SEMA6D: variants seen among roughly 807,000 people sequenced by gnomAD.
SEMA6D encodes the protein semaphorin 6D.
In SEMA6D, 35 loss-of-function variants were observed where a neutral mutation model predicts 106.6. The ratio of observed to expected loss-of-function variants is 0.33; its 90% CI spans 0.25 to 0.44. The LOEUF is 0.44. Among genes scored for constraint, SEMA6D ranks in the 20% least tolerant of loss-of-function variants. The pLI, the probability that SEMA6D is intolerant of heterozygous loss-of-function variation, is 1.00. For synonymous variants in SEMA6D, 499 were observed against 487.7 expected, an observed-to-expected ratio of 1.02 and a Z score of -0.31; for missense variants, 1,185 against 1,345.9, an observed-to-expected ratio of 0.88 and a Z score of 1.87.
intron 1 of SEMA6D, among the ~76,000 whole-genome samples, chr15:47,389,985 T>C (rs1179456868): frequency 6.6e-6 from 1 of 152,226 alleles, no homozygotes; most frequent in East Asian, 1.9e-4. Flanking sequence ...AACACTTCAA[T>C]TGTTTTTTCA....
rs767285041 is a variant in SEMA6D at position 47,770,685 on chromosome 15, A to G, written c.2122A>G (p.Thr708Ala). 5.0e-6 allele frequency: 8 copies of G among 1,614,020 alleles called. No individual in the cohort carries two copies. In the South Asian group the frequency reaches 7.7e-5, roughly 16 times the overall value. Residue 708 changes from threonine to alanine, a missense_variant, in exon 19 of 19, where the codon ACA (threonine) becomes GCA (alanine). Coordinates refer to ENST00000536845, the MANE Select transcript of SEMA6D (RefSeq NM_001358351.3). ...HKDAESAQSC[T>A]DSSGSFAKLN... ...AGATGCAGAGTCCGCCCAGTCATGCACAGACTCCAGTGGAAGTTTTGCCAA... is the reference window on the plus strand; with the variant it reads ...AGATGCAGAGTCCGCCCAGTCATGCGCAGACTCCAGTGGAAGTTTTGCCAA...
chr15:47,338,098 A>G (rs1041742569), intron 1 of SEMA6D, among the ~76,000 whole-genome samples: 4 of 152,208 alleles, frequency 2.6e-5, no homozygotes, highest in African/African-American at 9.6e-5. Flanking sequence ...AGGAGAAGGC[A>G]CTTGCTAGAG....
intron 1 of SEMA6D, among the ~76,000 whole-genome samples, chr15:47,285,270 CT>C (rs900499307): frequency 2.6e-5 from 4 of 151,888 alleles, no homozygotes; most frequent in African/African-American, 7.2e-5. Context: ...CTGTCTTTCT[CT>C]TTTTTTTAAC....
intron 1 of SEMA6D, among the ~76,000 whole-genome samples, chr15:47,726,140 C>T (rs1354364894): frequency 6.6e-6 from 1 of 152,238 alleles, no homozygotes; most frequent in Non-Finnish European, 1.5e-5. Context: ...CACTTGCCTA[C>T]AGACGGGATC....
chr15:47,327,515 G>T (rs911268141), intron 1 of SEMA6D, among the ~76,000 whole-genome samples: 1 of 152,158 alleles, frequency 6.6e-6, no homozygotes, highest in African/African-American at 2.4e-5. Context: ...ATATTTTAAA[G>T]GTATGTTAGT....
intron 2 of SEMA6D, among the ~76,000 whole-genome samples, chr15:47,452,338 G>A (rs937818654): frequency 1.3e-5 from 2 of 149,936 alleles, no homozygotes; most frequent in Non-Finnish European, 3.0e-5. Flanking sequence ...AAAAAAAACT[G>A]GACTCAAAGT....
intron 3 of SEMA6D, among the ~76,000 whole-genome samples, chr15:47,540,761 A>G (rs111688524): frequency 1.3e-5 from 2 of 152,208 alleles, no homozygotes; most frequent in Non-Finnish European, 2.9e-5. Context: ...GAGCTGCCCT[A>G]GGGAAGTTGA....
At chr15:47,598,367 G>A (rs1448527285) in intron 3 of SEMA6D, among the ~76,000 whole-genome samples, 2 of 152,132 alleles carry the variant, frequency 1.3e-5, no homozygotes, top group Non-Finnish European at 2.9e-5. Context: ...AGGATGTCAT[G>A]TGTCCATTTC....
chr15:47,418,810 G>T (rs540110550), intron 2 of SEMA6D, among the ~76,000 whole-genome samples: 3 of 152,218 alleles, frequency 2.0e-5, no homozygotes, highest in African/African-American at 4.8e-5. Flanking sequence ...AGAGCACAAA[G>T]AACTTGTCTG....
At chr15:47,278,782 A>G (rs1216183720) in intron 1 of SEMA6D, among the ~76,000 whole-genome samples, 3 of 148,900 alleles carry the variant, frequency 2.0e-5, no homozygotes, top group African/African-American at 7.5e-5. Context: ...TCTTGAATTG[A>G]TTTTTGTATA....
At chr15:47,236,823 G>A (rs2032575552) in intron 1 of SEMA6D, among the ~76,000 whole-genome samples, 1 of 152,132 alleles carries the variant, frequency 6.6e-6, no homozygotes, top group African/African-American at 2.4e-5. Flanking sequence ...GAAGCAACTT[G>A]GGCAAATAGC....
At chr15:47,666,416 T>C (rs2078027638) in intron 4 of SEMA6D, among the ~76,000 whole-genome samples, 1 of 152,174 alleles carries the variant, frequency 6.6e-6, no homozygotes, top group Non-Finnish European at 1.5e-5. Flanking sequence ...ATTGTGACAT[T>C]GAAGGGATAA....
chr15:47,625,080 A>G (rs1303492698), intron 4 of SEMA6D, among the ~76,000 whole-genome samples: 7 of 143,766 alleles, frequency 4.9e-5, no homozygotes, highest in Non-Finnish European at 9.4e-5. Context: ...AGATTTTTTA[A>G]TAAGAAAGCT....
intron 3 of SEMA6D, among the ~76,000 whole-genome samples, chr15:47,562,381 G>C (rs1366285843): frequency 6.6e-6 from 1 of 152,006 alleles, no homozygotes; most frequent in African/African-American, 2.4e-5. Flanking sequence ...ATCTGCATAA[G>C]CTTGGTTAAT....
chr15:47,724,684 C>T (rs2079626864), intron 1 of SEMA6D, among the ~76,000 whole-genome samples: 1 of 152,136 alleles, frequency 6.6e-6, no homozygotes, highest in Admixed American at 6.5e-5. Flanking sequence ...CATATTTATG[C>T]CCTTACCTAC....
At chr15:47,206,013 T>C (rs1013854684) in intron 1 of SEMA6D, among the ~76,000 whole-genome samples, 3 of 152,220 alleles carry the variant, frequency 2.0e-5, no homozygotes, top group Non-Finnish European at 4.4e-5. Flanking sequence ...CTGTACCTTT[T>C]CTTCTGATAA....
At chr15:47,503,797 C>T (rs1233529398) in intron 3 of SEMA6D, among the ~76,000 whole-genome samples, 1 of 152,080 alleles carries the variant, frequency 6.6e-6, no homozygotes, top group Non-Finnish European at 1.5e-5. Flanking sequence ...CTTTTCCTTC[C>T]ATTTCTTCCC....
intron 1 of SEMA6D, among the ~76,000 whole-genome samples, chr15:47,199,485 G>T (rs1352414394): frequency 6.6e-6 from 1 of 152,036 alleles, no homozygotes; most frequent in Non-Finnish European, 1.5e-5. Flanking sequence ...AAACATTCCT[G>T]TTTTACTTGG....
chr15:47,598,451 TC>T (rs1286131286), intron 3 of SEMA6D, among the ~76,000 whole-genome samples: 3 of 152,174 alleles, frequency 2.0e-5, no homozygotes, highest in African/African-American at 7.2e-5. Flanking sequence ...TACATAGTTC[TC>T]TTTGTGGATA....
Sources: gnomAD v4.1 joint callset for allele counts (sites outside exome capture counted in the v4.1 genomes callset) on GRCh38, gnomAD v4.1.1 for gene constraint, MANE v1.5 for transcripts, NCBI Gene and HGNC (gene_info 2026-07-23, HGNC 2026-07-21) for gene names.